Variants in BIRC6 observed in about 807,000 individuals in gnomAD.
The protein encoded by BIRC6 is dual E2 ubiquitin-conjugating enzyme/E3 ubiquitin-protein ligase BIRC6.
BIRC6 carries 98 observed loss-of-function variants against 503.3 expected under a neutral mutation model. The ratio of observed to expected loss-of-function variants is 0.19; its 90% confidence interval spans 0.17 to 0.23. The LOEUF (loss-of-function observed/expected upper bound fraction) is 0.23, where lower values mean the gene tolerates loss of function less well. Among genes scored for constraint, BIRC6 ranks in the 10% least tolerant of loss-of-function variants. The probability of loss-of-function intolerance (pLI) is 1.00; values close to 1 mark genes in which losing one functional copy is unlikely to be tolerated. For synonymous variants in BIRC6, 2,240 were observed against 2,078.7 expected, an observed-to-expected ratio of 1.08 and a Z score of -2.11; for missense variants, 5,360 against 5,806.0, an observed-to-expected ratio of 0.92 and a Z score of 2.50.
chr2:32,451,222 G>A (rs2046689521), intron 22 of BIRC6, among the ~76,000 whole-genome samples: 1 of 152,128 alleles, frequency 6.6e-6, no homozygotes, highest in Non-Finnish European at 1.5e-5. Context: ...GAAGTTCAAA[G>A]TTTCTAATAC....
intron 33 of BIRC6, among the ~76,000 whole-genome samples, chr2:32,473,806 G>T (rs945953488): frequency 7.2e-6 from 1 of 139,310 alleles, no homozygotes; most frequent in Non-Finnish European, 1.5e-5. Context: ...AGGTTGGAGT[G>T]CAGTGGAACA....
In BIRC6 at chr2:32,518,897, T is replaced by G. The variant is rs1386094647; in HGVS notation, c.11574T>G (p.Leu3858=). 6.2e-7 allele frequency: 1 copy of G among 1,613,890 alleles called. No individual in the cohort carries two copies. The highest frequency in any genetic ancestry group is 1.7e-5 in the Admixed American group (1 of 60,020). The part of the protein sequence containing the change: ...MYGAGHKFRT[L]HLPVSTTLSD... The stretch of plus-strand genomic sequence containing the variant: ...GAGCAGGCCACAAATTCCGTACTCT[T>G]CATTTGCCAGTCTCAACAACATTAT... The change falls in exon 57 of 74, where the codon CTT becomes CTG. Residue 3858 remains leucine (L), a synonymous_variant. Transcript: ENST00000421745.
intron 61 of BIRC6, among the ~76,000 whole-genome samples, chr2:32,534,163 C>T (rs1309116055): frequency 6.6e-6 from 1 of 151,884 alleles, no homozygotes; most frequent in Non-Finnish European, 1.5e-5. Context: ...CACCTGAGGT[C>T]AGCAGTTCGA....
At chr2:32,466,996 G>A (rs1461181345) in intron 26 of BIRC6, among the ~76,000 whole-genome samples, 1 of 152,080 alleles carries the variant, frequency 6.6e-6, no homozygotes, top group Non-Finnish European at 1.5e-5. Flanking sequence ...GCGGGCGCCT[G>A]TAGTGCCAGC....
At chr2:32,542,835 T>A (rs1211231528) in intron 61 of BIRC6, among the ~76,000 whole-genome samples, 4 of 152,228 alleles carry the variant, frequency 2.6e-5, no homozygotes, top group Non-Finnish European at 5.9e-5. Flanking sequence ...GAGATAGTTT[T>A]GTTGCCCAGG....
rs1037418680 is a variant in BIRC6 at position 32,502,671 on chromosome 2, G to T, written c.9208-124G>T. The stretch of plus-strand genomic sequence containing the variant: ...TCTTATGTATTTTGGCAGACATTTT[G>T]TATTTAGCGTATTTAAGGCTGTCAG... On this transcript the variant is annotated intron_variant, in intron 47 of 73. Coordinates refer to ENST00000421745, the MANE Select transcript of BIRC6 (RefSeq NM_016252.4). The T allele has an allele frequency of 4.9e-6, 3 of 616,960 alleles. No individual in the cohort carries two copies. The East Asian group carries it at 9.4e-5, about 19-fold the overall frequency. The allele number at this position is 616,960 out of a possible 1,614,324, so 38.2% of individuals were successfully genotyped here. A position where few individuals can be genotyped will look rare whatever the true frequency, so the allele number is the denominator to read the frequency against.
In BIRC6 at chr2:32,515,631, G is replaced by C; in HGVS notation, c.11210G>C (p.Ser3737Thr). 6.2e-7 allele frequency: 1 copy of C among 1,612,938 alleles called. No homozygotes were observed. The highest frequency in any genetic ancestry group is 8.5e-7 in the Non-Finnish European group (1 of 1,179,874). Residue 3737 changes from serine to threonine, a missense_variant, in exon 55 of 74, where the codon AGT (serine) becomes ACT (threonine). By Grantham distance (58) the Ser-to-Thr change is moderately conservative. This residue lies in a region of BIRC6 where 878 missense variants were observed against 928.9 expected (regional missense o/e 0.95). Transcript: ENST00000421745. ...GSHNLGAQQTSARSASLSSAA... is the reference protein window; with the variant it reads ...GSHNLGAQQTTARSASLSSAA... ...CATAATTTAGGTGCACAACAGACCA[G>C]TGCAAGATCAGCTTCTCTTTCTTCA...
chr2:32,612,965 A>G (rs1249645692), intron 73 of BIRC6, among the ~76,000 whole-genome samples: 1 of 152,072 alleles, frequency 6.6e-6, no homozygotes, highest in Non-Finnish European at 1.5e-5. Context: ...TTGTCTCACT[A>G]ATCAACCTTA....
In BIRC6 at chr2:32,510,013, A is replaced by G. The variant is rs1177802879; in HGVS notation, c.10237+19A>G. The G allele has an allele frequency of 1.7e-5, 27 of 1,610,868 alleles. No individual in the cohort carries two copies. Among genetic ancestry groups the G allele is most frequent in the East Asian group, 2.2e-5 (1 of 44,866 alleles). ...CCTACAGGTGATAATTAACTTTGAT[A>G]TTTAAATGTTTACATATCTGTAAAG... On this transcript the variant is annotated intron_variant, in intron 52 of 73. Coordinates refer to ENST00000421745, the MANE Select transcript of BIRC6 (RefSeq NM_016252.4).
intron 54 of BIRC6, among the ~76,000 whole-genome samples, chr2:32,513,593 C>A (rs1019497968): frequency 6.6e-6 from 1 of 151,822 alleles, no homozygotes; most frequent in African/African-American, 2.4e-5. Context: ...GGGCAACATG[C>A]AAAACGTTGT....
chr2:32,404,982 C>A (rs1194659121), intron 8 of BIRC6, among the ~76,000 whole-genome samples: 1 of 152,086 alleles, frequency 6.6e-6, no homozygotes, highest in Non-Finnish European at 1.5e-5. Context: ...TTTTTGAGAA[C>A]TTTCAGAATA....
At chr2:32,585,520 C>T (rs2060968958) in intron 66 of BIRC6, among the ~76,000 whole-genome samples, 3 of 152,078 alleles carry the variant, frequency 2.0e-5, no homozygotes, top group Admixed American at 2.0e-4. Context: ...GCTGGGACTA[C>T]AGGCGCGTGC....
intron 71 of BIRC6, among the ~76,000 whole-genome samples, chr2:32,604,211 A>C (rs1362865686): frequency 6.6e-6 from 1 of 152,234 alleles, no homozygotes; most frequent in Non-Finnish European, 1.5e-5. Flanking sequence ...CTAAATGTAC[A>C]GATAACTTTA....
At chr2:32,523,097 T>C (rs1219392361) in intron 57 of BIRC6, 1 of 152,186 alleles carries the variant, frequency 6.6e-6, no homozygotes, top group Non-Finnish European at 1.5e-5. Context: ...TATATATTTC[T>C]AGTTAAGGTT....
intron 65 of BIRC6, chr2:32,557,478 T>C (rs2058861957): frequency 1.3e-5 from 2 of 152,204 alleles, no homozygotes; most frequent in Admixed American, 1.3e-4. Flanking sequence ...ATTCATTGCT[T>C]TGTCCTGTTT....
At chr2:32,611,108 C>CTTTTTTTTTTTTTTTTTTTT (rs1245765148) in intron 72 of BIRC6, among the ~76,000 whole-genome samples, 16 of 126,156 alleles carry the variant, frequency 1.3e-4, no homozygotes, top group Admixed American at 8.4e-4. Context: ...ATTAAATTGC[C>CTTTTTTTTTTTTTTTTTTTT]TTTTTTTTTT....
intron 1 of BIRC6, among the ~76,000 whole-genome samples, chr2:32,366,191 C>T (rs1195577738): frequency 1.3e-5 from 2 of 152,296 alleles, no homozygotes; most frequent in African/African-American, 4.8e-5. Flanking sequence ...ATTATTAGAC[C>T]TCTTTTACCT....
At chr2:32,395,735 C>T in intron 6 of BIRC6, 142 bp downstream of exon 6, 3 of 633,340 alleles carry the variant, frequency 4.7e-6, no homozygotes, top group East Asian at 2.7e-5. Context: ...TGAGCTAGCC[C>T]TGTCTATACT....
At position 32,469,491 on chromosome 2, in the gene BIRC6, G is replaced by A. The variant is rs771740269; in HGVS notation, c.6224G>A (p.Arg2075Gln). Residue 2075 changes from arginine to glutamine, a missense_variant, in exon 30 of 74, where the codon CGG becomes CAG. This residue lies in a region of BIRC6 where 2,299 missense variants were observed against 2,267.2 expected (regional missense o/e 1.01). Transcript: ENST00000421745. ...HLCISGTPKI[R>Q]LHTGLLLVQL... is the part of the protein sequence containing the mutation. ...TGCATCAGTGGAACCCCAAAGATACGGTTACATACTGGTCTTCTTCTTGTT... is the reference window on the plus strand; with the variant it reads ...TGCATCAGTGGAACCCCAAAGATACAGTTACATACTGGTCTTCTTCTTGTT... The A allele has an allele frequency of 6.1e-5, 99 of 1,613,716 alleles. 2 individuals are homozygous for A. Among genetic ancestry groups the A allele is most frequent in the South Asian group, 4.3e-4 (39 of 91,084 alleles).
Sources: allele counts gnomAD v4.1 joint callset (sites outside exome capture counted in the v4.1 genomes callset), GRCh38; gene constraint gnomAD v4.1.1; regional missense constraint gnomAD v4.1.1; transcripts MANE v1.5; gene names NCBI Gene and HGNC (gene_info 2026-07-23, HGNC 2026-07-21).